Variants in LARP4 observed in about 807,000 individuals in gnomAD.
The protein encoded by LARP4 is la-related protein 4.
Under a neutral mutation model 92.9 loss-of-function variants are expected in LARP4, and 29 were observed. That is an observed-to-expected ratio of 0.31 (90% CI 0.23 to 0.43). LARP4 has a LOEUF of 0.43. Ranked by LOEUF, LARP4 falls within the 20% of genes least tolerant of loss-of-function variation. The pLI is 1.00. For synonymous variants in LARP4, 279 were observed against 284.1 expected (o/e 0.98, Z 0.18); for missense variants, 732 against 860.0 (o/e 0.85, Z 1.86).
At chr12:50,453,309 T>C in intron 8 of LARP4, 151 bp from the exon 9 acceptor site, 2 of 529,934 alleles carry the variant, frequency 3.8e-6, no homozygotes, top group South Asian at 6.1e-5. Flanking sequence ...ATTAATTAAT[T>C]AAAGCTGTCA....
chr12:50,434,132 G>T (rs1410274861), intron 4 of LARP4, among the ~76,000 whole-genome samples: 3 of 152,126 alleles, frequency 2.0e-5, no homozygotes, highest in Admixed American at 6.6e-5. Flanking sequence ...AAAATTAAAT[G>T]CAAGGACAGG....
At chr12:50,413,009 G>A (rs1221548046) in intron 1 of LARP4, among the ~76,000 whole-genome samples, 2 of 151,976 alleles carry the variant, frequency 1.3e-5, no homozygotes, top group Non-Finnish European at 2.9e-5. Flanking sequence ...GGATCACGAG[G>A]TCAGGAGTTT....
chr12:50,436,368 C>T (rs1950472960), intron 5 of LARP4, among the ~76,000 whole-genome samples: 1 of 152,000 alleles, frequency 6.6e-6, no homozygotes, highest in African/African-American at 2.4e-5. Context: ...TCATCATGCC[C>T]ACTTAAGAAG....
At chr12:50,454,652 G>A (rs995479468) in intron 10 of LARP4, 4 of 356,802 alleles carry the variant, frequency 1.1e-5, no homozygotes, top group African/African-American at 8.4e-5. Flanking sequence ...AATAATAAAA[G>A]AGAATAGAAA....
chr12:50,445,406 A>G (rs1390784083), intron 8 of LARP4, among the ~76,000 whole-genome samples: 2 of 151,876 alleles, frequency 1.3e-5, no homozygotes, highest in African/African-American at 2.4e-5. Flanking sequence ...TAGGTTGGCT[A>G]TGGTGTGTCT....
chr12:50,408,503 G>C (rs2136318783), intron 1 of LARP4, among the ~76,000 whole-genome samples: 1 of 152,136 alleles, frequency 6.6e-6, no homozygotes, highest in African/African-American at 2.4e-5. Flanking sequence ...GGCGAGAAAA[G>C]GATTTCTCGT....
In LARP4 at chr12:50,439,603, C is replaced by A. The variant is rs775475828; in HGVS notation, c.640-836C>A. ...TTTTTTTGGTAAAGATGGTGTCTAG[C>A]TATGCTGTACAGGCTCATCCTGAGC... is the stretch of plus-strand genomic sequence containing the variant. On this transcript the variant is annotated intron_variant, in intron 6 of 15. Transcript: ENST00000398473. 1.1e-4 allele frequency among the ~76,000 whole-genome samples: 16 copies of A among 152,172 alleles called. No individual in the cohort carries two copies. The South Asian group carries it at 1.9e-3, about 18-fold the overall frequency.
At chr12:50,414,783 G>GAT (rs1428844844) in intron 1 of LARP4, among the ~76,000 whole-genome samples, 2 of 152,206 alleles carry the variant, frequency 1.3e-5, no homozygotes, top group Admixed American at 1.3e-4. Context: ...CACATTAAGA[G>GAT]ATAGACCATA....
At chr12:50,467,596 C>T (rs770849975) in intron 13 of LARP4, among the ~76,000 whole-genome samples, 16 of 152,318 alleles carry the variant, frequency 1.1e-4, no homozygotes, top group Middle Eastern at 3.4e-3. Context: ...AGCCACCACG[C>T]CCAGCCTTGC....
At chr12:50,431,704 G>T (rs1236248438) in intron 4 of LARP4, among the ~76,000 whole-genome samples, 1 of 152,004 alleles carries the variant, frequency 6.6e-6, no homozygotes, top group Non-Finnish European at 1.5e-5. Flanking sequence ...AAATTAGCCA[G>T]GTGTGGTGGT....
intron 1 of LARP4, among the ~76,000 whole-genome samples, chr12:50,421,643 AAAATAAATAAATAAATAAATAAAT>A (rs144012967): frequency 4.1e-5 from 6 of 147,854 alleles, no homozygotes; most frequent in Admixed American, 6.8e-5. Context: ...ACTTCATCAC[AAAATAAATAAATAAATAAATAAAT>A]AAATAAATAA....
At chr12:50,473,558 A>G in intron 14 of LARP4, 22 bp downstream of exon 14, 1 of 1,601,106 alleles carries the variant, frequency 6.2e-7, no homozygotes, top group Non-Finnish European at 8.5e-7. Flanking sequence ...AGTATAGAAG[A>G]TCTTCAACAT....
intron 5 of LARP4, among the ~76,000 whole-genome samples, chr12:50,436,948 C>A (rs1950540216): frequency 6.6e-6 from 1 of 152,110 alleles, no homozygotes; most frequent in Non-Finnish European, 1.5e-5. Flanking sequence ...TTTATGGAAT[C>A]TCTCATTGGT....
At position 50,440,563 on chromosome 12, in the gene LARP4, A is replaced by G; in HGVS notation, c.750+14A>G. 5 of 1,553,056 alleles carry G rather than the reference A, an allele frequency of 3.2e-6. No individual in the cohort carries two copies. The highest frequency in any genetic ancestry group is 2.2e-5 in the East Asian group (1 of 44,454). Reference sequence around the variant, plus strand: ...GATGCACAACAGGTAAGAAGAAAACATTTTCTGATACAAGTCCATCCTAGT... The same window carrying G: ...GATGCACAACAGGTAAGAAGAAAACGTTTTCTGATACAAGTCCATCCTAGT... On this transcript the variant is annotated intron_variant, in intron 7 of 15. Transcript: ENST00000398473.
intron 1 of LARP4, among the ~76,000 whole-genome samples, chr12:50,418,292 G>T (rs934030482): frequency 1.3e-5 from 2 of 151,984 alleles, no homozygotes; most frequent in African/African-American, 4.8e-5. Flanking sequence ...GTGAGCCACT[G>T]TGCCTGGCCT....
chr12:50,476,830 G>A lies in LARP4; in HGVS notation c.*966G>A, dbSNP rs1957568233. 1 of 152,504 alleles carries A rather than the reference G, an allele frequency of 6.6e-6. No individual in the cohort carries two copies. Among genetic ancestry groups the A allele is most frequent in the Non-Finnish European group, 1.5e-5 (1 of 68,018 alleles). 9.4% of individuals were successfully genotyped at this position (152,504 alleles called of 1,614,324 possible). On this transcript the variant is annotated 3_prime_UTR_variant, in exon 16 of 16. Coordinates refer to ENST00000398473, the MANE Select transcript of LARP4 (RefSeq NM_052879.5). ...GTTTGTAATTGCTTTGAGCAGTCTA[G>A]TCAAATCATATAAATTGTTCTAAAT...
intron 10 of LARP4, among the ~76,000 whole-genome samples, chr12:50,455,455 G>C (rs768353014): frequency 2.0e-5 from 3 of 152,160 alleles, no homozygotes; most frequent in African/African-American, 7.2e-5. Flanking sequence ...CTCGTTTGCT[G>C]TTTTGTGAGA....
chr12:50,451,736 C>T (rs1321290238), intron 8 of LARP4, among the ~76,000 whole-genome samples: 1 of 152,160 alleles, frequency 6.6e-6, no homozygotes, highest in Non-Finnish European at 1.5e-5. Flanking sequence ...ACTCTGGAGG[C>T]TGAGGCAGGA....
intron 4 of LARP4, among the ~76,000 whole-genome samples, chr12:50,431,691 C>A (rs1011565748): frequency 6.6e-6 from 1 of 151,844 alleles, no homozygotes; most frequent in African/African-American, 2.4e-5. Context: ...ATAAAAAATA[C>A]AAAAATTAGC....
Sources: allele counts gnomAD v4.1 joint callset (sites outside exome capture counted in the v4.1 genomes callset), GRCh38; gene constraint gnomAD v4.1.1; transcripts MANE v1.5; gene names NCBI Gene and HGNC (gene_info 2026-07-23, HGNC 2026-07-21).